ADCK5: variants seen among roughly 807,000 people sequenced by gnomAD.
ADCK5 encodes uncharacterized aarF domain-containing protein kinase 5.
ADCK5 carries 43 observed loss-of-function variants against 64.9 expected under a neutral mutation model. The observed-to-expected ratio is 0.66, with a 90% CI of 0.52 to 0.85. The LOEUF is 0.85. Ranked by LOEUF, ADCK5 falls within the 40% of genes least tolerant of loss-of-function variation. ADCK5 has a pLI of 0.00. For synonymous variants in ADCK5, 434 were observed against 342.8 expected (o/e 1.27, Z -2.94); for missense variants, 760 against 810.5 (o/e 0.94, Z 0.76).
At position 144,391,248 on chromosome 8, in the gene ADCK5, C is replaced by T. The variant is rs1554860430; in HGVS notation, c.658C>T (p.His220Tyr). 3 of 1,612,498 alleles carry T rather than the reference C, an allele frequency of 1.9e-6. No homozygotes were observed. The highest frequency in any genetic ancestry group is 1.7e-6 in the Non-Finnish European group (2 of 1,180,026). Residue 220 changes from histidine (H) to tyrosine (Y), a missense_variant, in exon 6 of 15, where the codon CAC becomes TAC. Physicochemically the swap from His to Tyr is moderately conservative, Grantham distance 83. Transcript: ENST00000308860. ...SLAQVHRAKL[H>Y]DGTSVAVKVQ... ...GGCACAGGTGCACAGAGCCAAGCTG[C>T]ACGATGGCACCAGCGTGGCTGTGAA...
rs552561654 is a variant in ADCK5 at position 144,382,666 on chromosome 8, T to C, written c.117-415T>C. Among the ~76,000 whole-genome samples the C allele has an allele frequency of 2.0e-5, 3 of 152,376 alleles. No homozygotes were observed. The East Asian group carries it at 5.8e-4, about 29-fold the overall frequency. ...CTCAGCACGTGCCGACCGCAGCATC[T>C]TCTCTGTCTCTGCTGTGCTGATGAC... On this transcript the variant is annotated intron_variant, in intron 2 of 14. Transcript: ENST00000308860.
At position 144,392,088 on chromosome 8, in the gene ADCK5, C is replaced by T; in HGVS notation, c.1097-4C>T. ...CAGCGCGACCTAAGAGGCTGTATCC[C>T]TAGTTCTGGTGCGGAAAGGCCCGGA... On this transcript the variant is annotated splice_region_variant and splice_polypyrimidine_tract_variant and intron_variant, in intron 10 of 14. Transcript: ENST00000308860. 6.2e-7 allele frequency: 1 copy of T among 1,612,264 alleles called. No homozygotes were observed. Among genetic ancestry groups the T allele is most frequent in the Non-Finnish European group, 8.5e-7 (1 of 1,179,902 alleles).
intron 8 of ADCK5, 35 bp downstream of exon 8, chr8:144,391,746 G>A (rs782690182): frequency 8.5e-6 from 13 of 1,538,338 alleles, no homozygotes; most frequent in Non-Finnish European, 1.0e-5. Context: ...TGGGCACAGC[G>A]CTGGGCCTGC....
chr8:144,379,279 T>A (rs905665150), intron 1 of ADCK5, 108 bp from the exon 2 acceptor site: 2 of 747,806 alleles, frequency 2.7e-6, no homozygotes, highest in Non-Finnish European at 4.2e-6. Flanking sequence ...CACATTAGGT[T>A]TAGAGTTAGG....
Position 144,384,683 on chromosome 8 carries a change from G to A in ADCK5, c.266+1453G>A, listed in dbSNP as rs1218671711. Among the ~76,000 whole-genome samples, 4 of 152,324 alleles carry A rather than the reference G, an allele frequency of 2.6e-5. No homozygotes were observed. The highest frequency in any genetic ancestry group is 2.1e-4 in the South Asian group (1 of 4,826). On this transcript the variant is annotated intron_variant, in intron 3 of 14. Coordinates refer to ENST00000308860, the MANE Select transcript of ADCK5 (RefSeq NM_174922.5). This position sits in a 1 kb window ranked among gnomAD's most constrained non-coding sequence, Gnocchi z 5.7. ...CCCTGCAGCCTGGTTCTGAAATGTCGGCTTGGCAGGCCTGGGTTTGTCTCA... is the reference window on the plus strand; with the variant it reads ...CCCTGCAGCCTGGTTCTGAAATGTCAGCTTGGCAGGCCTGGGTTTGTCTCA...
At chr8:144,375,681 A>G (rs943555690) in intron 1 of ADCK5, 2 of 983,758 alleles carry the variant, frequency 2.0e-6, no homozygotes, top group African/African-American at 3.5e-5. Flanking sequence ...CAAGGTAGTC[A>G]GCTGTGGTCT....
At chr8:144,377,267 T>C (rs1409661137) in intron 1 of ADCK5, 2 of 152,208 alleles carry the variant, frequency 1.3e-5, no homozygotes, top group Non-Finnish European at 2.9e-5. Flanking sequence ...TTAATAATAC[T>C]GTAAGTTCTA....
In ADCK5 at chr8:144,390,897, G is replaced by C; in HGVS notation, c.384G>C (p.Gln128His). 2 of 1,612,858 alleles carry C rather than the reference G, an allele frequency of 1.2e-6. No individual in the cohort carries two copies. The highest frequency in any genetic ancestry group is 1.7e-6 in the Non-Finnish European group (2 of 1,179,982). Residue 128 changes from glutamine (Q) to histidine (H), a missense_variant, in exon 5 of 15, where the codon CAG becomes CAC. Transcript: ENST00000308860. ...GYLEVMSACH[Q>H]RAADALVAGA... is the part of the protein sequence containing the mutation. ...TGGAGGTGATGTCTGCGTGTCACCA[G>C]CGGGCGGCTGATGCCCTGGTGGCAG... is the stretch of plus-strand genomic sequence containing the variant.
At position 144,392,648 on chromosome 8, in the gene ADCK5, A is replaced by G. The variant is rs1820350642; in HGVS notation, c.1471A>G (p.Asn491Asp). 6.3e-7 allele frequency: 1 copy of G among 1,594,612 alleles called. No homozygotes were observed. Among genetic ancestry groups the G allele is most frequent in the Non-Finnish European group, 8.5e-7 (1 of 1,172,548 alleles). ...LRNINTVRAI[N>D]VALGAPVDRY... is the part of the protein sequence containing the mutation. Reference sequence around the variant, plus strand: ...CAACATCAACACCGTGCGCGCTATCAACGTGGCCCTCGGCGCCCCCGTGGA... The same window carrying G: ...CAACATCAACACCGTGCGCGCTATCGACGTGGCCCTCGGCGCCCCCGTGGA... The change falls in exon 13 of 15, where the codon AAC (asparagine) becomes GAC (aspartate). Residue 491 changes from asparagine (N) to aspartate (D), a missense_variant. Asn to Asp is a conservative substitution (Grantham distance 23). This residue lies in a region of ADCK5 where 333 missense variants were observed against 292.0 expected (regional missense o/e 1.14). Transcript: ENST00000308860.
At position 144,393,224 on chromosome 8, in the gene ADCK5, ACTCCT is replaced by A. The variant is rs1347599802; in HGVS notation, c.*154_*158del. 7.2e-7 allele frequency: 1 copy of A among 1,380,392 alleles called. No individual in the cohort carries two copies. The highest frequency in any genetic ancestry group is 9.7e-7 in the Non-Finnish European group (1 of 1,031,588). The allele number at this position is 1,380,392 out of a possible 1,614,324, so 85.5% of individuals were successfully genotyped here. ...CCAGGAGGCCGTGTAATGACCACAC[ACTCCT>A]CTCAAGCAAAAAATGTTTTTCCTTG... On this transcript the variant is annotated 3_prime_UTR_variant, in exon 15 of 15. Transcript: ENST00000308860.
chr8:144,381,458 C>T (rs1413680488), intron 2 of ADCK5, among the ~76,000 whole-genome samples: 21 of 80,304 alleles, frequency 2.6e-4, no homozygotes, highest in African/African-American at 5.5e-4. Context: ...AGGCACCTGC[C>T]GCACTCAGGA....
In ADCK5 at chr8:144,392,591, G is replaced by T. The variant is rs782662436; in HGVS notation, c.1414G>T (p.Glu472Ter). ...CGAGGCCGTCATGGCGGTGCTCAGGGAGCTGCCGCGGCCCATGCTGCTGGT... is the reference window on the plus strand; with the variant it reads ...CGAGGCCGTCATGGCGGTGCTCAGGTAGCTGCCGCGGCCCATGCTGCTGGT... ...RFEAVMAVLR[E>*]LPRPMLLVLR... Residue 472 changes from glutamate (E) to a stop codon, truncating the protein, a stop_gained, in exon 13 of 15, where the codon GAG becomes TAG. Coordinates refer to ENST00000308860, the MANE Select transcript of ADCK5 (RefSeq NM_174922.5). LOFTEE classifies it high-confidence loss of function. 6.3e-7 allele frequency: 1 copy of T among 1,579,402 alleles called. No homozygotes were observed. The highest frequency in any genetic ancestry group is 1.1e-5 in the South Asian group (1 of 87,758).
chr8:144,385,288 G>A (rs782746279), intron 3 of ADCK5, among the ~76,000 whole-genome samples: 2 of 150,938 alleles, frequency 1.3e-5, no homozygotes, highest in African/African-American at 4.9e-5. Flanking sequence ...TGGTTTAAGC[G>A]ACTCTCCTGT....
intron 3 of ADCK5, 46 bp downstream of exon 3, chr8:144,383,276 G>A: frequency 6.6e-7 from 1 of 1,508,486 alleles, no homozygotes; most frequent in Non-Finnish European, 8.9e-7. Context: ...TGGCGGGCGG[G>A]GTGTGTGCGG....
At chr8:144,375,434 C>T (rs1454376749) in intron 1 of ADCK5, 2 of 984,292 alleles carry the variant, frequency 2.0e-6, no homozygotes, top group Non-Finnish European at 2.4e-6. Flanking sequence ...GTTGGGTTCC[C>T]CAGGCTCTGG....
intron 3 of ADCK5, among the ~76,000 whole-genome samples, chr8:144,388,861 C>T (rs544277864): frequency 4.7e-4 from 71 of 152,290 alleles, no homozygotes; most frequent in African/African-American, 1.6e-3. Flanking sequence ...GCCGGGGGGT[C>T]GCCCTGGGTT....
At chr8:144,374,960 A>T (rs1042183280) in intron 1 of ADCK5, among the ~76,000 whole-genome samples, 8 of 152,110 alleles carry the variant, frequency 5.3e-5, no homozygotes, top group Non-Finnish European at 1.0e-4. Flanking sequence ...AGGGGCTCCC[A>T]GCGCCGTTCC....
intron 3 of ADCK5, among the ~76,000 whole-genome samples, chr8:144,389,823 C>T (rs1281117995): frequency 2.0e-5 from 3 of 151,508 alleles, no homozygotes; most frequent in African/African-American, 2.4e-5. Flanking sequence ...AGCTACCAAG[C>T]CCAGCCTCTT....
chr8:144,386,770 C>T (rs1819944632), intron 3 of ADCK5, among the ~76,000 whole-genome samples: 1 of 152,228 alleles, frequency 6.6e-6, no homozygotes, highest in Non-Finnish European at 1.5e-5. Context: ...CCGCTCCCAT[C>T]CCCGTGGGCC....
Sources: allele counts gnomAD v4.1 joint callset (sites outside exome capture counted in the v4.1 genomes callset), GRCh38; gene constraint gnomAD v4.1.1; regional missense constraint gnomAD v4.1.1; non-coding constraint Gnocchi (gnomAD v3.1); transcripts MANE v1.5; gene names NCBI Gene and HGNC (gene_info 2026-07-23, HGNC 2026-07-21).